Variants in NSUN6 observed in about 807,000 individuals in gnomAD.
NSUN6 encodes the protein tRNA (cytosine(72)-C(5))-methyltransferase NSUN6.
A neutral mutation model predicts 58.0 loss-of-function variants in NSUN6; 64 were observed. The observed-to-expected ratio is 1.10, with a 90% CI of 0.90 to 1.36. NSUN6 has a LOEUF of 1.36. Ranked by LOEUF, NSUN6 falls within the 40% of genes most tolerant of loss-of-function variation. The pLI, the probability that NSUN6 is intolerant of heterozygous loss-of-function variation, is 0.00. For missense variants in NSUN6, 701 were observed against 550.1 expected (o/e 1.27, Z -2.74); for synonymous variants, 231 against 193.9 (o/e 1.19, Z -1.59).
chr10:18,545,852 C>T lies in NSUN6; in HGVS notation c.*81G>A, dbSNP rs2054217565. The T allele has an allele frequency of 2.6e-6, 2 of 757,536 alleles. No homozygotes were observed. Among genetic ancestry groups the T allele is most frequent in the South Asian group, 1.6e-5 (1 of 63,776 alleles). 46.9% of individuals were successfully genotyped at this position (757,536 alleles called of 1,614,324 possible). ...GCAACCACATCATCATTCAGTTGGC[C>T]TGACAACACTTTGGTTAAAAAAAAA... On this transcript the variant is annotated 3_prime_UTR_variant, in exon 11 of 11. Transcript: ENST00000377304.
chr10:18,605,860 A>G (rs897056440), intron 6 of NSUN6, among the ~76,000 whole-genome samples: 1 of 152,242 alleles, frequency 6.6e-6, no homozygotes, highest in African/African-American at 2.4e-5. Context: ...CATTCAGTCT[A>G]CAGAAATAAT....
chr10:18,628,945 A>G (rs566402212), intron 3 of NSUN6, among the ~76,000 whole-genome samples: 1 of 152,294 alleles, frequency 6.6e-6, no homozygotes, highest in East Asian at 1.9e-4. Flanking sequence ...TCCAAGACAC[A>G]TAATTGTCAG....
chr10:18,640,513 G>A (rs2059358565), intron 3 of NSUN6, among the ~76,000 whole-genome samples: 1 of 152,178 alleles, frequency 6.6e-6, no homozygotes, highest in South Asian at 2.1e-4. Flanking sequence ...AAGGAGTGTA[G>A]TAACCTCCAA....
chr10:18,555,623 T>A lies in NSUN6; in HGVS notation c.923-3652A>T, dbSNP rs532490741. Among the ~76,000 whole-genome samples the A allele has an allele frequency of 2.1e-5, 3 of 145,200 alleles. No individual in the cohort carries two copies. The East Asian group carries it at 6.6e-4, about 32-fold the overall frequency. ...GAATGGAATGGAATAGAGAATGGAA[T>A]GGAATGGAGCATGGAATGTAATGGA... On this transcript the variant is annotated intron_variant, in intron 8 of 10. Transcript: ENST00000377304.
intron 3 of NSUN6, among the ~76,000 whole-genome samples, chr10:18,618,974 C>T (rs951914569): frequency 9.2e-5 from 14 of 152,212 alleles, no homozygotes; most frequent in Middle Eastern, 3.4e-3. Context: ...GTTTTGTCTA[C>T]AGCCATATCA....
chr10:18,651,588 A>G (rs974947761), upstream of NSUN6: 42 of 990,110 alleles, frequency 4.2e-5, no homozygotes, highest in Non-Finnish European at 4.8e-5. Flanking sequence ...CTTTTCTATC[A>G]ATTTCCAAAC....
chr10:18,594,200 A>G (rs1264397420), intron 7 of NSUN6, among the ~76,000 whole-genome samples: 1 of 63,550 alleles, frequency 1.6e-5, no homozygotes, highest in South Asian at 5.0e-4. Flanking sequence ...AGACTCTGAG[A>G]AAAAAAAAAA....
Position 18,636,939 on chromosome 10 carries a change from T to TA in NSUN6, c.311+5536dup, listed in dbSNP as rs199781765. ...TATATACTTAATAAAAATCAGGAGT[T>TA]AAAAAAAAAAAAAAAGGAATTGACT... On this transcript the variant is annotated intron_variant, in intron 3 of 10. Transcript: ENST00000377304. 9.3e-3 allele frequency among the ~76,000 whole-genome samples: 1,095 copies of TA among 117,806 alleles called. 11 individuals carry two copies. Among genetic ancestry groups the TA allele is most frequent in the South Asian group, 0.036 (131 of 3,650 alleles). The allele number at this position is 117,806 out of a possible 152,430, so 77.3% of individuals were successfully genotyped here. A position where few individuals can be genotyped will look rare whatever the true frequency, so the allele number is the denominator to read the frequency against.
At chr10:18,557,207 C>A (rs2055095946) in intron 8 of NSUN6, among the ~76,000 whole-genome samples, 1 of 143,540 alleles carries the variant, frequency 7.0e-6, no homozygotes, top group Non-Finnish European at 1.5e-5. Context: ...AATGCGTATG[C>A]AATGGAGAAA....
At chr10:18,607,466 C>A (rs1206192047) in intron 6 of NSUN6, among the ~76,000 whole-genome samples, 1 of 152,118 alleles carries the variant, frequency 6.6e-6, no homozygotes, top group Non-Finnish European at 1.5e-5. Context: ...TCAGGTAAGA[C>A]CCAGTTAAGA....
At chr10:18,651,698 C>G (rs1329612950), upstream of NSUN6, 1 of 985,752 alleles carries the variant, frequency 1.0e-6, no homozygotes, top group Non-Finnish European at 1.2e-6. Context: ...TCCACAGCCG[C>G]AAGTTTCCCC....
At chr10:18,559,177 AGAATGGAATGGAAGATG>A (rs1238170584) in intron 8 of NSUN6, among the ~76,000 whole-genome samples, 1 of 150,656 alleles carries the variant, frequency 6.6e-6, no homozygotes, top group Non-Finnish European at 1.5e-5. Flanking sequence ...AATGGAGAAT[AGAATGGAATGGAAGATG>A]GAATGGAATA....
intron 5 of NSUN6, among the ~76,000 whole-genome samples, chr10:18,610,932 A>G (rs543618197): frequency 2.2e-4 from 33 of 152,286 alleles, no homozygotes; most frequent in Non-Finnish European, 4.1e-4. Context: ...AAGCCGGCAC[A>G]GTGGCTTATG....
chr10:18,656,114 G>C (rs572892414), upstream of NSUN6, among the ~76,000 whole-genome samples: 85 of 152,218 alleles, frequency 5.6e-4, no homozygotes, highest in Non-Finnish European at 1.0e-3. Context: ...AAAATTGTTG[G>C]TCTCTCAATA....
At chr10:18,600,896 C>T (rs1331955303) in intron 6 of NSUN6, among the ~76,000 whole-genome samples, 10 of 115,768 alleles carry the variant, frequency 8.6e-5, no homozygotes, top group African/African-American at 1.2e-4. Context: ...CCATCGTACT[C>T]CAGCCTGAGT....
At chr10:18,589,537 C>G (rs2057299763) in intron 7 of NSUN6, among the ~76,000 whole-genome samples, 1 of 152,134 alleles carries the variant, frequency 6.6e-6, no homozygotes, top group South Asian at 2.1e-4. Flanking sequence ...AAAGGGAAGC[C>G]CATCGGACTA....
rs533380678 is a variant in NSUN6, at chr10:18,558,721, A to G, written c.923-6750T>C. ...CGGAAGGAATGGAATTGAAAGTGGA[A>G]TGAAATGGAATGGAGGATGGAAAGG... On this transcript the variant is annotated intron_variant, in intron 8 of 10. Coordinates refer to ENST00000377304, the MANE Select transcript of NSUN6 (RefSeq NM_182543.5). Among the ~76,000 whole-genome samples the G allele has an allele frequency of 8.7e-5, 13 of 149,128 alleles. 1 individual carries two copies. The East Asian group carries it at 2.1e-3, about 24-fold the overall frequency.
intron 8 of NSUN6, among the ~76,000 whole-genome samples, chr10:18,578,865 C>T (rs980798229): frequency 2.0e-5 from 3 of 152,106 alleles, no homozygotes; most frequent in Admixed American, 1.3e-4. Context: ...GCGCACTCAC[C>T]CTCAATCATA....
chr10:18,593,744 AAT>A (rs1302600954), intron 7 of NSUN6, among the ~76,000 whole-genome samples: 3 of 152,034 alleles, frequency 2.0e-5, no homozygotes, highest in African/African-American at 7.3e-5. Context: ...CATTAGGAAA[AAT>A]ACCTAATGCA....
Sources: gnomAD v4.1 joint callset for allele counts (sites outside exome capture counted in the v4.1 genomes callset) on GRCh38, gnomAD v4.1.1 for gene constraint, MANE v1.5 for transcripts, NCBI Gene and HGNC (gene_info 2026-07-23, HGNC 2026-07-21) for gene names.